PAK5: variants seen among roughly 807,000 people sequenced by gnomAD.
PAK5 encodes serine/threonine-protein kinase PAK 5.
Under a neutral mutation model 65.9 loss-of-function variants are expected in PAK5, and 16 were observed. The observed-to-expected ratio is 0.24, with a 90% CI of 0.16 to 0.37. PAK5 has a LOEUF of 0.37. Among genes scored for constraint, PAK5 ranks in the 10% least tolerant of loss-of-function variants. PAK5 has a pLI of 1.00. For missense variants in PAK5, 785 were observed against 903.9 expected (o/e 0.87, Z 1.69); for synonymous variants, 371 against 354.9 (o/e 1.05, Z -0.51).
intron 2 of PAK5, among the ~76,000 whole-genome samples, chr20:9,709,716 T>A (rs1274583024): frequency 6.6e-6 from 1 of 152,192 alleles, no homozygotes; most frequent in Admixed American, 6.5e-5. Flanking sequence ...CAGACAGTTA[T>A]GAATATTGGA....
At chr20:9,795,008 A>G (rs1188820113) in intron 1 of PAK5, among the ~76,000 whole-genome samples, 1 of 151,828 alleles carries the variant, frequency 6.6e-6, no homozygotes, top group Non-Finnish European at 1.5e-5. Context: ...AGCTTCCACC[A>G]CCCGGAGAGT....
At chr20:9,567,099 G>C (rs1171263950) in intron 4 of PAK5, among the ~76,000 whole-genome samples, 2 of 152,128 alleles carry the variant, frequency 1.3e-5, no homozygotes, top group African/African-American at 4.8e-5. Flanking sequence ...AATCAGGAAG[G>C]AGCTCTGGCC....
intron 1 of PAK5, among the ~76,000 whole-genome samples, chr20:9,799,690 T>C (rs1438883419): frequency 6.6e-6 from 1 of 151,986 alleles, no homozygotes; most frequent in African/African-American, 2.4e-5. Context: ...TTGGGAATAT[T>C]TGGCCTAGAA....
chr20:9,623,720 C>A (rs1163031964), intron 3 of PAK5, among the ~76,000 whole-genome samples: 1 of 152,138 alleles, frequency 6.6e-6, no homozygotes, highest in East Asian at 1.9e-4. Flanking sequence ...CTTAGTAATG[C>A]AAGAATTCTC....
At chr20:9,767,934 A>G (rs2048788056) in intron 1 of PAK5, among the ~76,000 whole-genome samples, 2 of 152,184 alleles carry the variant, frequency 1.3e-5, no homozygotes. Flanking sequence ...TAAAAAAAGA[A>G]TGAAATCATG....
At chr20:9,619,398 G>A (rs543328496) in intron 3 of PAK5, among the ~76,000 whole-genome samples, 33 of 152,292 alleles carry the variant, frequency 2.2e-4, no homozygotes, top group Admixed American at 1.3e-3. Context: ...TCTCTTTGAA[G>A]GAGACACACT....
intron 1 of PAK5, among the ~76,000 whole-genome samples, chr20:9,740,553 A>G (rs1440595533): frequency 1.3e-5 from 2 of 152,200 alleles, no homozygotes; most frequent in Non-Finnish European, 2.9e-5. Context: ...TGAGCAACGT[A>G]TTTGTCCTCT....
intron 3 of PAK5, among the ~76,000 whole-genome samples, chr20:9,626,638 G>A (rs1330123803): frequency 6.6e-6 from 1 of 152,204 alleles, no homozygotes; most frequent in East Asian, 1.9e-4. Context: ...GTGAGGCGGT[G>A]TCCAGCAGGC....
At chr20:9,797,225 T>G (rs2049114827) in intron 1 of PAK5, among the ~76,000 whole-genome samples, 1 of 151,932 alleles carries the variant, frequency 6.6e-6, no homozygotes. Flanking sequence ...TCACCCACTT[T>G]TTGATGGGGT....
intron 3 of PAK5, among the ~76,000 whole-genome samples, chr20:9,613,338 C>T (rs2046598206): frequency 6.6e-6 from 1 of 152,238 alleles, no homozygotes; most frequent in African/African-American, 2.4e-5. Flanking sequence ...AAGATCACAG[C>T]TTACCAGAGC....
chr20:9,589,627 T>A (rs1307090341), intron 3 of PAK5, among the ~76,000 whole-genome samples: 1 of 152,216 alleles, frequency 6.6e-6, no homozygotes, highest in Non-Finnish European at 1.5e-5. Context: ...ACAAATTATG[T>A]AATAATCTTA....
At chr20:9,608,100 G>C (rs1420580259) in intron 3 of PAK5, among the ~76,000 whole-genome samples, 5 of 152,152 alleles carry the variant, frequency 3.3e-5, no homozygotes, top group Admixed American at 3.3e-4. Context: ...TCTTTGACAG[G>C]GACTCTAATA....
chr20:9,566,230 A>G lies in PAK5; in HGVS notation c.1145T>C (p.Leu382Ser), dbSNP rs201610769. The G allele has an allele frequency of 2.8e-5, 45 of 1,613,678 alleles. 1 individual carries two copies. The highest frequency in any genetic ancestry group is 3.7e-5 in the Non-Finnish European group (44 of 1,179,964). The change falls in exon 5 of 10, where the codon TTG becomes TCG. Residue 382 changes from leucine to serine, a missense_variant. By Grantham distance (145) the Leu-to-Ser change is moderately radical. This residue lies in a region of PAK5 where 422 missense variants were observed against 413.3 expected (regional missense o/e 1.02). Coordinates refer to ENST00000353224, the MANE Select transcript of PAK5 (RefSeq NM_177990.4). ...QYPSGYHKAT[L>S]YHHPSLQSSS... The stretch of plus-strand genomic sequence containing the variant: ...GCTCTGCAGGGAGGGGTGATGGTAC[A>G]AGGTGGCTTTGTGGTACCCAGACGG...
intron 1 of PAK5, among the ~76,000 whole-genome samples, chr20:9,765,035 C>T (rs1258888956): frequency 6.6e-6 from 1 of 152,128 alleles, no homozygotes; most frequent in East Asian, 1.9e-4. Context: ...GTATTACAAG[C>T]ACATGTATAA....
At chr20:9,588,206 G>T (rs780534616) in intron 3 of PAK5, among the ~76,000 whole-genome samples, 2 of 151,988 alleles carry the variant, frequency 1.3e-5, no homozygotes, top group Non-Finnish European at 1.5e-5. Flanking sequence ...CAAACATTTA[G>T]AAAGAAGAAA....
intron 2 of PAK5, among the ~76,000 whole-genome samples, chr20:9,694,700 T>C (rs978590381): frequency 6.6e-6 from 1 of 152,034 alleles, no homozygotes; most frequent in African/African-American, 2.4e-5. Flanking sequence ...TTTGTATTTG[T>C]GAGATTAATT....
intron 1 of PAK5, among the ~76,000 whole-genome samples, chr20:9,713,763 A>C (rs1330864479): frequency 2.0e-5 from 3 of 152,056 alleles, no homozygotes; most frequent in Non-Finnish European, 2.9e-5. Flanking sequence ...AAGCCAGGCA[A>C]AGAAAATGTT....
intron 1 of PAK5, among the ~76,000 whole-genome samples, chr20:9,799,683 G>A (rs917049790): frequency 5.9e-5 from 9 of 151,854 alleles, no homozygotes; most frequent in African/African-American, 2.2e-4. Context: ...GAATGTTTTG[G>A]GAATATTTGG....
At chr20:9,708,404 A>G (rs147941420) in intron 2 of PAK5, among the ~76,000 whole-genome samples, 82 of 152,286 alleles carry the variant, frequency 5.4e-4, no homozygotes, top group African/African-American at 1.8e-3. Context: ...ATGTATAAAT[A>G]TCTCCCACCT....
Sources: gnomAD v4.1 joint callset for allele counts (sites outside exome capture counted in the v4.1 genomes callset) on GRCh38, gnomAD v4.1.1 for gene constraint, gnomAD v4.1.1 regional missense constraint, MANE v1.5 for transcripts, NCBI Gene and HGNC (gene_info 2026-07-23, HGNC 2026-07-21) for gene names.